Variants in UBQLN1 observed in about 807,000 individuals in gnomAD.
UBQLN1 encodes ubiquilin 1, also known as ubiquilin-1.
A neutral mutation model predicts 65.4 loss-of-function variants in UBQLN1; 13 were observed. The ratio of observed to expected loss-of-function variants is 0.20; its 90% CI spans 0.13 to 0.32. The LOEUF (loss-of-function observed/expected upper bound fraction) is 0.32. Among genes scored for constraint, UBQLN1 ranks in the 10% least tolerant of loss-of-function variants. UBQLN1 has a pLI of 1.00. For synonymous variants in UBQLN1, 267 were observed against 247.8 expected, an observed-to-expected ratio of 1.08 and a Z score of -0.73; for missense variants, 561 against 724.0, an observed-to-expected ratio of 0.77 and a Z score of 2.58.
chr9:83,707,893 C>T lies in UBQLN1; in HGVS notation c.-214G>A, dbSNP rs1832447467. ...CAGGCCCGGGTCAGGCGCTCGGCAG[C>T]CGCCGTGTGTTCAGGCGCCGCTCGC... On this transcript the variant is annotated 5_prime_UTR_variant, in exon 1 of 11. Transcript: ENST00000376395. The T allele has an allele frequency of 1.6e-6, 1 of 611,788 alleles. No individual in the cohort carries two copies. The highest frequency in any genetic ancestry group is 2.6e-6 in the Non-Finnish European group (1 of 383,408). The allele number at this position is 611,788 out of a possible 1,614,324, so 37.9% of individuals were successfully genotyped here.
intron 6 of UBQLN1, among the ~76,000 whole-genome samples, chr9:83,671,394 T>G (rs1356674169): frequency 1.3e-5 from 2 of 152,200 alleles, no homozygotes; most frequent in Admixed American, 1.3e-4. Flanking sequence ...GCAGCTATAG[T>G]CTAATTAAAT....
At position 83,671,849 on chromosome 9, in the gene UBQLN1, C is replaced by G. The variant is rs150362158; in HGVS notation, c.1106-2522G>C. On this transcript the variant is annotated intron_variant, in intron 6 of 10. Coordinates refer to ENST00000376395, the MANE Select transcript of UBQLN1 (RefSeq NM_013438.5). The stretch of plus-strand genomic sequence containing the variant: ...CTGAAGCTAAGAATTCACTTCTCTC[C>G]AGAAATGAAAATTCTAGATGATATC... Among the ~76,000 whole-genome samples, 733 of 152,272 alleles carry G rather than the reference C, an allele frequency of 4.8e-3. 5 individuals carry two copies. The highest frequency in any genetic ancestry group is 0.017 in the African/African-American group (695 of 41,542).
At chr9:83,706,948 A>AT (rs57176325) in intron 1 of UBQLN1, among the ~76,000 whole-genome samples, 5,959 of 151,890 alleles carry the variant, frequency 0.039, 399 homozygotes, top group African/African-American at 0.14. Context: ...CTACGTCATA[A>AT]TTTTTTTTTA....
chr9:83,696,553 C>G (rs1024878134), intron 1 of UBQLN1, among the ~76,000 whole-genome samples: 1 of 151,854 alleles, frequency 6.6e-6, no homozygotes, highest in Admixed American at 6.6e-5. Context: ...GTGGGAGAAT[C>G]GCTTGAGCCC....
chr9:83,682,824 G>GTTTT, intron 3 of UBQLN1, 127 bp downstream of exon 3: 3 of 413,774 alleles, frequency 7.3e-6, no homozygotes, highest in Non-Finnish European at 8.6e-6. Flanking sequence ...AGGAATGTAT[G>GTTTT]TTTTTTTTTT....
At chr9:83,701,715 T>G (rs555721687) in intron 1 of UBQLN1, among the ~76,000 whole-genome samples, 1 of 151,740 alleles carries the variant, frequency 6.6e-6, no homozygotes, top group East Asian at 1.9e-4. Context: ...GCATTGCTAG[T>G]GGAAATGTAA....
In UBQLN1 at chr9:83,682,797, T is replaced by A. The variant is rs545395558; in HGVS notation, c.448+154A>T. On this transcript the variant is annotated intron_variant, in intron 3 of 10. Transcript: ENST00000376395. ...AATATCCATATCCCCAACTACTTCC[T>A]TAATATCTACAATTATAGGAATGTA... Among the ~76,000 whole-genome samples, 11 of 151,984 alleles carry A rather than the reference T, an allele frequency of 7.2e-5. No homozygotes were observed. In the East Asian group the frequency reaches 1.9e-3, roughly 27 times the overall value.
rs1192403295 is a variant in UBQLN1 at position 83,678,268 on chromosome 9, G to A, written c.870+173C>T. On this transcript the variant is annotated intron_variant, in intron 5 of 10. Transcript: ENST00000376395. ...GATCTCCTGACCTCGGGATCCACCC[G>A]CCTCGGCCTCCCAAAGTGCTGGGAT... 3.9e-5 allele frequency among the ~76,000 whole-genome samples: 6 copies of A among 152,136 alleles called. No homozygotes were observed. The East Asian group carries it at 5.8e-4, about 15-fold the overall frequency.
At chr9:83,665,380 T>C (rs765779134) in intron 8 of UBQLN1, 4 of 374,694 alleles carry the variant, frequency 1.1e-5, no homozygotes, top group East Asian at 4.2e-5. Flanking sequence ...ATTTCCATAA[T>C]GGAAGAAAAT....
At chr9:83,695,085 A>AT (rs1465740701) in intron 1 of UBQLN1, among the ~76,000 whole-genome samples, 1 of 151,862 alleles carries the variant, frequency 6.6e-6, no homozygotes, top group East Asian at 1.9e-4. Context: ...GGTTGACCCC[A>AT]TTTGCTTAAC....
In UBQLN1 at chr9:83,661,643, G is replaced by T. The variant is rs1369147067; in HGVS notation, c.*144C>A. 5 of 843,384 alleles carry T rather than the reference G, an allele frequency of 5.9e-6. No homozygotes were observed. Among genetic ancestry groups the T allele is most frequent in the African/African-American group, 5.1e-5 (3 of 58,268 alleles). 52.2% of individuals were successfully genotyped at this position (843,384 alleles called of 1,614,324 possible). On this transcript the variant is annotated 3_prime_UTR_variant, in exon 11 of 11. Coordinates refer to ENST00000376395, the MANE Select transcript of UBQLN1 (RefSeq NM_013438.5). ...TACAGAAAAACCCACACATCTTACT[G>T]TACTCCACCTTAAAATGCATCATAT...
chr9:83,661,547 T>A lies in UBQLN1; in HGVS notation c.*240A>T, dbSNP rs937916602. 2.8e-6 allele frequency: 1 copy of A among 362,624 alleles called. No individual in the cohort carries two copies. Among genetic ancestry groups the A allele is most frequent in the African/African-American group, 2.1e-5 (1 of 47,740 alleles). The allele number at this position is 362,624 out of a possible 1,614,324, so 22.5% of individuals were successfully genotyped here. A position where few individuals can be genotyped will look rare whatever the true frequency, so the allele number is the denominator to read the frequency against. ...ACCCAACTATAAAAGGTGATGTTTT[T>A]AAAAAATTACAATAAATGCAGAAGT... On this transcript the variant is annotated 3_prime_UTR_variant, in exon 11 of 11. Coordinates refer to ENST00000376395, the MANE Select transcript of UBQLN1 (RefSeq NM_013438.5).
At chr9:83,704,133 C>G (rs1832357550) in intron 1 of UBQLN1, among the ~76,000 whole-genome samples, 1 of 152,130 alleles carries the variant, frequency 6.6e-6, no homozygotes, top group African/African-American at 2.4e-5. Context: ...AAATTAGGTA[C>G]AAATTTTAAA....
At chr9:83,683,882 A>G (rs1831992840) in intron 2 of UBQLN1, among the ~76,000 whole-genome samples, 3 of 151,996 alleles carry the variant, frequency 2.0e-5, no homozygotes, top group Non-Finnish European at 4.4e-5. Flanking sequence ...TTAGCCGGGC[A>G]TGGTGGCACA....
intron 1 of UBQLN1, among the ~76,000 whole-genome samples, chr9:83,695,697 A>G (rs1163961420): frequency 1.3e-5 from 2 of 152,222 alleles, no homozygotes; most frequent in African/African-American, 4.8e-5. Flanking sequence ...GACTGTTGCC[A>G]TATCTACAGG....
At chr9:83,696,702 T>C (rs1587661344) in intron 1 of UBQLN1, among the ~76,000 whole-genome samples, 1 of 151,918 alleles carries the variant, frequency 6.6e-6, no homozygotes, top group Admixed American at 6.6e-5. Context: ...TTTAAAACAC[T>C]ATTTGGTCAT....
intron 8 of UBQLN1, among the ~76,000 whole-genome samples, chr9:83,665,877 G>T (rs1831635717): frequency 6.6e-6 from 1 of 152,094 alleles, no homozygotes; most frequent in Non-Finnish European, 1.5e-5. Flanking sequence ...TGACAACACT[G>T]ACTATTTTAA....
At position 83,660,491 on chromosome 9, in the gene UBQLN1, G is replaced by A. The variant is rs1277889743; in HGVS notation, c.*1296C>T. Reference sequence around the variant, plus strand: ...TAGGCAAACAGAATTCTTTGGGGGAGGGAAGAAAAAGGCTATAAAACAGCC... The same window carrying A: ...TAGGCAAACAGAATTCTTTGGGGGAAGGAAGAAAAAGGCTATAAAACAGCC... On this transcript the variant is annotated 3_prime_UTR_variant, in exon 11 of 11. Coordinates refer to ENST00000376395, the MANE Select transcript of UBQLN1 (RefSeq NM_013438.5). 1 of 152,500 alleles carries A rather than the reference G, an allele frequency of 6.6e-6. No individual in the cohort carries two copies. The highest frequency in any genetic ancestry group is 1.5e-5 in the Non-Finnish European group (1 of 68,038). 9.4% of individuals were successfully genotyped at this position (152,500 alleles called of 1,614,324 possible).
rs1033568339 is a variant in UBQLN1 at position 83,668,631 on chromosome 9, T to A, written c.1248+554A>T. 1.6e-5 allele frequency: 16 copies of A among 985,498 alleles called. No individual in the cohort carries two copies. The African/African-American group carries it at 2.6e-4, about 16-fold the overall frequency. The allele number at this position is 985,498 out of a possible 1,614,324, so 61.0% of individuals were successfully genotyped here. A position where few individuals can be genotyped will look rare whatever the true frequency, so the allele number is the denominator to read the frequency against. On this transcript the variant is annotated intron_variant, in intron 7 of 10. Transcript: ENST00000376395. ...ATCCCCAATTTTCTTAGCTGTGGTC[T>A]CTTTAGAAACAAATTAGAAAAAGGA... is the stretch of plus-strand genomic sequence containing the variant.
Sources: allele counts gnomAD v4.1 joint callset (sites outside exome capture counted in the v4.1 genomes callset), GRCh38; gene constraint gnomAD v4.1.1; transcripts MANE v1.5; gene names NCBI Gene and HGNC (gene_info 2026-07-23, HGNC 2026-07-21).